CDH12: variants seen among roughly 807,000 people sequenced by gnomAD.
CDH12 encodes cadherin 12.
Under a neutral mutation model 74.1 loss-of-function variants are expected in CDH12, and 41 were observed. That is an observed-to-expected ratio of 0.55 (90% confidence interval 0.43 to 0.72). CDH12 has a LOEUF of 0.72. Among genes scored for constraint, CDH12 ranks in the 30% least tolerant of loss-of-function variants. CDH12 has a pLI of 0.00. For missense variants in CDH12, 945 were observed against 977.2 expected, an observed-to-expected ratio of 0.97 and a Z score of 0.44; for synonymous variants, 399 against 355.0, an observed-to-expected ratio of 1.12 and a Z score of -1.39.
At position 22,072,099 on chromosome 5, in the gene CDH12, T is replaced by C. The variant is rs1741981307; in HGVS notation, c.231+6347A>G. 2.0e-5 allele frequency among the ~76,000 whole-genome samples: 3 copies of C among 151,872 alleles called. No individual in the cohort carries two copies. The South Asian group carries it at 6.2e-4, about 32-fold the overall frequency. ...CTTTCTCCTGCAGATGCTCTCCCTATCTCTACACCTTTTTCCCCGTCTTCA... is the reference window on the plus strand; with the variant it reads ...CTTTCTCCTGCAGATGCTCTCCCTACCTCTACACCTTTTTCCCCGTCTTCA... On this transcript the variant is annotated intron_variant, in intron 5 of 14. Coordinates refer to ENST00000382254, the MANE Select transcript of CDH12 (RefSeq NM_004061.5).
At chr5:22,716,421 G>A (rs1448060287) in intron 1 of CDH12, among the ~76,000 whole-genome samples, 9 of 121,328 alleles carry the variant, frequency 7.4e-5, no homozygotes, top group East Asian at 2.8e-4. Flanking sequence ...TTGCTGCAAC[G>A]TACTACTCAT....
intron 4 of CDH12, among the ~76,000 whole-genome samples, chr5:22,195,658 G>T (rs1750574514): frequency 6.6e-6 from 1 of 152,142 alleles, no homozygotes; most frequent in Non-Finnish European, 1.5e-5. Context: ...TATAAAATGT[G>T]TATTTATACC....
intron 6 of CDH12, among the ~76,000 whole-genome samples, chr5:21,955,757 G>A (rs1054253308): frequency 6.6e-6 from 1 of 152,084 alleles, no homozygotes; most frequent in African/African-American, 2.4e-5. Context: ...ACCTAAAGCA[G>A]TGGTAGCTTG....
chr5:22,691,702 C>T (rs1214946644), intron 1 of CDH12, among the ~76,000 whole-genome samples: 2 of 152,128 alleles, frequency 1.3e-5, no homozygotes, highest in African/African-American at 4.8e-5. Flanking sequence ...CTTTTTCCTA[C>T]AAGGCAAAAT....
chr5:22,810,419 A>G (rs1039841097), intron 1 of CDH12, among the ~76,000 whole-genome samples: 1 of 152,188 alleles, frequency 6.6e-6, no homozygotes, highest in African/African-American at 2.4e-5. Context: ...CGTGTTTCTC[A>G]CATCATTTTT....
At chr5:22,733,438 T>A (rs1434152746) in intron 1 of CDH12, among the ~76,000 whole-genome samples, 1 of 149,934 alleles carries the variant, frequency 6.7e-6, no homozygotes, top group Non-Finnish European at 1.5e-5. Context: ...TCTTTGTGAA[T>A]CTTTTTTTTT....
intron 3 of CDH12, among the ~76,000 whole-genome samples, chr5:22,242,242 A>C (rs1345853158): frequency 6.6e-6 from 1 of 152,192 alleles, no homozygotes; most frequent in Non-Finnish European, 1.5e-5. Context: ...ACATTTTTCA[A>C]GCTTTTACTA....
At chr5:22,541,584 C>T (rs1277844257) in intron 1 of CDH12, among the ~76,000 whole-genome samples, 1 of 152,100 alleles carries the variant, frequency 6.6e-6, no homozygotes, top group Non-Finnish European at 1.5e-5. Flanking sequence ...TTCTTGGTAT[C>T]CTGTAAAAAT....
At chr5:22,054,061 T>G (rs2150197233) in intron 5 of CDH12, among the ~76,000 whole-genome samples, 1 of 152,250 alleles carries the variant, frequency 6.6e-6, no homozygotes, top group South Asian at 2.1e-4. Flanking sequence ...TACTTGGTTG[T>G]GCTCATGTCC....
intron 6 of CDH12, among the ~76,000 whole-genome samples, chr5:21,874,798 C>T (rs1482307312): frequency 6.6e-6 from 1 of 152,194 alleles, no homozygotes; most frequent in Non-Finnish European, 1.5e-5. Flanking sequence ...CCCATTGCTG[C>T]TCCCAGTCGG....
intron 1 of CDH12, among the ~76,000 whole-genome samples, chr5:22,643,052 T>C (rs902114281): frequency 6.6e-6 from 1 of 152,162 alleles, no homozygotes; most frequent in African/African-American, 2.4e-5. Context: ...AGCTTTTGTA[T>C]TGATGCTTAA....
chr5:22,276,101 T>C (rs1736624875), intron 3 of CDH12, among the ~76,000 whole-genome samples: 1 of 152,222 alleles, frequency 6.6e-6, no homozygotes, highest in Non-Finnish European at 1.5e-5. Context: ...AATTCAATTA[T>C]ATAGTTAATT....
At chr5:22,443,403 C>A (rs1182677529) in intron 2 of CDH12, among the ~76,000 whole-genome samples, 1 of 152,048 alleles carries the variant, frequency 6.6e-6, no homozygotes, top group Non-Finnish European at 1.5e-5. Flanking sequence ...CTTAAACTAT[C>A]ATGAAATTTA....
chr5:22,620,202 G>A (rs1737903234), intron 1 of CDH12, among the ~76,000 whole-genome samples: 1 of 151,850 alleles, frequency 6.6e-6, no homozygotes, highest in African/African-American at 2.4e-5. Context: ...ATGGAAAACT[G>A]GATACCCCCA....
At chr5:22,319,418 G>C (rs972194798) in intron 3 of CDH12, among the ~76,000 whole-genome samples, 1 of 152,132 alleles carries the variant, frequency 6.6e-6, no homozygotes, top group African/African-American at 2.4e-5. Context: ...AAAAGGCAAC[G>C]CAGTTTACAC....
chr5:22,735,901 A>G (rs1054002747), intron 1 of CDH12, among the ~76,000 whole-genome samples: 11 of 151,866 alleles, frequency 7.2e-5, no homozygotes, highest in Non-Finnish European at 1.2e-4. Context: ...AAGTTATAAG[A>G]TAGTCTTTAA....
intron 4 of CDH12, among the ~76,000 whole-genome samples, chr5:22,121,951 G>T (rs1745538822): frequency 6.6e-6 from 1 of 151,872 alleles, no homozygotes; most frequent in Non-Finnish European, 1.5e-5. Flanking sequence ...TTATTGAACA[G>T]GTTAGCTTCA....
chr5:21,753,576 G>T (rs1403353335), intron 14 of CDH12, among the ~76,000 whole-genome samples: 1 of 152,158 alleles, frequency 6.6e-6, no homozygotes, highest in East Asian at 1.9e-4. Context: ...CCCCACAAAG[G>T]ACATGAGAAT....
At chr5:22,703,144 C>T (rs1023522906) in intron 1 of CDH12, among the ~76,000 whole-genome samples, 5 of 152,026 alleles carry the variant, frequency 3.3e-5, no homozygotes, top group African/African-American at 1.2e-4. Flanking sequence ...CCAACATTTC[C>T]AAAACTTTAT....
Sources: allele counts gnomAD v4.1 joint callset (sites outside exome capture counted in the v4.1 genomes callset), GRCh38; gene constraint gnomAD v4.1.1; transcripts MANE v1.5; gene names NCBI Gene and HGNC (gene_info 2026-07-23, HGNC 2026-07-21).